HS6ST3: variants seen among roughly 807,000 people sequenced by gnomAD.
The protein encoded by HS6ST3 is heparan sulfate 6-O-sulfotransferase 3, also known as heparan-sulfate 6-O-sulfotransferase 3.
A neutral mutation model predicts 36.7 loss-of-function variants in HS6ST3; 12 were observed. That is an observed-to-expected ratio of 0.33 (90% CI 0.21 to 0.53). HS6ST3 has a LOEUF of 0.53. HS6ST3 is among the 20% of genes least tolerant of loss of function. The probability of loss-of-function intolerance (pLI) is 0.95; values close to 1 mark genes in which losing one functional copy is unlikely to be tolerated. For missense variants in HS6ST3, 584 were observed against 640.9 expected (o/e 0.91, Z 0.96); for synonymous variants, 240 against 257.5 (o/e 0.93, Z 0.65).
chr13:96,459,400 T>A (rs2055771424), intron 1 of HS6ST3, among the ~76,000 whole-genome samples: 1 of 151,968 alleles, frequency 6.6e-6, no homozygotes, highest in African/African-American at 2.4e-5. Context: ...TCTCATGAGA[T>A]CATCTTGGTT....
At chr13:96,260,622 T>C (rs1215402622) in intron 1 of HS6ST3, among the ~76,000 whole-genome samples, 2 of 150,468 alleles carry the variant, frequency 1.3e-5, no homozygotes, top group Non-Finnish European at 3.0e-5. Context: ...CCGGCCCTCT[T>C]TTCTTTTCTT....
At chr13:96,586,125 C>G (rs1243686096) in intron 1 of HS6ST3, among the ~76,000 whole-genome samples, 1 of 151,900 alleles carries the variant, frequency 6.6e-6, no homozygotes, top group Non-Finnish European at 1.5e-5. Context: ...CTTGTTAGGA[C>G]TTTTGCTAGT....
intron 1 of HS6ST3, among the ~76,000 whole-genome samples, chr13:96,313,804 A>T (rs1275516587): frequency 6.6e-6 from 1 of 152,180 alleles, no homozygotes. Context: ...AAGTTAGTAT[A>T]TTCTTGTTCT....
chr13:96,205,427 A>G (rs1483666954), intron 1 of HS6ST3, among the ~76,000 whole-genome samples: 1 of 152,188 alleles, frequency 6.6e-6, no homozygotes, highest in Non-Finnish European at 1.5e-5. Flanking sequence ...ATTTCTACTG[A>G]AACTATTCCA....
At chr13:96,714,160 A>C (rs1307810501) in intron 1 of HS6ST3, among the ~76,000 whole-genome samples, 1 of 152,182 alleles carries the variant, frequency 6.6e-6, no homozygotes, top group East Asian at 1.9e-4. Context: ...CCAAACCTTA[A>C]AAGAAAACAT....
intron 1 of HS6ST3, among the ~76,000 whole-genome samples, chr13:96,155,640 C>G (rs569946638): frequency 6.6e-6 from 1 of 151,952 alleles, no homozygotes; most frequent in Non-Finnish European, 1.5e-5. Context: ...TAATGAAAAC[C>G]TGATGATAGA....
At chr13:96,275,185 A>C (rs1337761241) in intron 1 of HS6ST3, among the ~76,000 whole-genome samples, 1 of 152,216 alleles carries the variant, frequency 6.6e-6, no homozygotes, top group African/African-American at 2.4e-5. Flanking sequence ...CAGGGTCAAC[A>C]TGACGATGGG....
At chr13:96,797,815 C>T (rs1269306709) in intron 1 of HS6ST3, among the ~76,000 whole-genome samples, 1 of 152,050 alleles carries the variant, frequency 6.6e-6, no homozygotes, top group Non-Finnish European at 1.5e-5. Context: ...AGAAAGCCAT[C>T]AATTCTGCAG....
At chr13:96,475,639 A>G (rs2055860665) in intron 1 of HS6ST3, among the ~76,000 whole-genome samples, 1 of 151,968 alleles carries the variant, frequency 6.6e-6, no homozygotes. Flanking sequence ...AAGAAAAGAA[A>G]GAAAATTGTC....
intron 1 of HS6ST3, among the ~76,000 whole-genome samples, chr13:96,809,342 A>C (rs1261584562): frequency 6.6e-6 from 1 of 152,266 alleles, no homozygotes; most frequent in East Asian, 1.9e-4. Context: ...AAGTTTGGTG[A>C]AAAGAACATT....
chr13:96,218,483 G>C (rs1251256792), intron 1 of HS6ST3, among the ~76,000 whole-genome samples: 3 of 152,190 alleles, frequency 2.0e-5, no homozygotes, highest in Admixed American at 2.0e-4. Flanking sequence ...GCGCTAATCT[G>C]TCTGTTTCCA....
chr13:96,451,931 C>A (rs533654549), intron 1 of HS6ST3, among the ~76,000 whole-genome samples: 6 of 152,128 alleles, frequency 3.9e-5, no homozygotes, highest in Non-Finnish European at 8.8e-5. Flanking sequence ...TTATGTGTAG[C>A]AGCCTCATTG....
chr13:96,319,226 A>G (rs1317270425), intron 1 of HS6ST3, among the ~76,000 whole-genome samples: 1 of 152,224 alleles, frequency 6.6e-6, no homozygotes, highest in Non-Finnish European at 1.5e-5. Context: ...GTGGTCTTCT[A>G]TAAATTGCTT....
At chr13:96,187,685 G>A (rs2054270796) in intron 1 of HS6ST3, among the ~76,000 whole-genome samples, 1 of 152,150 alleles carries the variant, frequency 6.6e-6, no homozygotes, top group Non-Finnish European at 1.5e-5. Flanking sequence ...ATTTATGGCA[G>A]ATCCTAAACA....
At position 96,317,326 on chromosome 13, in the gene HS6ST3, TTATATATATATATATATATATA is replaced by T. The variant is rs537839404; in HGVS notation, c.707+225778_707+225799del. Among the ~76,000 whole-genome samples, 6 of 96,970 alleles carry T rather than the reference TTATATATATATATATATATATA, an allele frequency of 6.2e-5. 1 individual carries two copies. Among genetic ancestry groups the T allele is most frequent in the South Asian group, 6.8e-4 (2 of 2,920 alleles). The allele number at this position is 96,970 out of a possible 152,430, so 63.6% of individuals were successfully genotyped here. On this transcript the variant is annotated intron_variant, in intron 1 of 1. Transcript: ENST00000376705. ...CTTTTTATGGCTGTGTAGTATTCCATTATATATATATATATATATATATATATATATATATATATATAAAATT... is the reference window on the plus strand; with the variant it reads ...CTTTTTATGGCTGTGTAGTATTCCATTATATATATATATATATATAAAATT...
intron 1 of HS6ST3, among the ~76,000 whole-genome samples, chr13:96,299,817 A>G (rs2054872702): frequency 6.6e-6 from 1 of 152,094 alleles, no homozygotes; most frequent in Non-Finnish European, 1.5e-5. Flanking sequence ...ATTCCAAATT[A>G]TGATATGAAC....
chr13:96,095,046 A>G (rs1432978765), intron 1 of HS6ST3, among the ~76,000 whole-genome samples: 2 of 152,214 alleles, frequency 1.3e-5, no homozygotes, highest in Non-Finnish European at 2.9e-5. Context: ...AGGATTGAAG[A>G]GAGAATCTAG....
intron 1 of HS6ST3, among the ~76,000 whole-genome samples, chr13:96,341,341 T>C (rs1447997148): frequency 6.6e-6 from 1 of 151,666 alleles, no homozygotes; most frequent in Non-Finnish European, 1.5e-5. Context: ...TTTCTTCACA[T>C]TGAGCAACCT....
intron 1 of HS6ST3, among the ~76,000 whole-genome samples, chr13:96,234,140 T>C (rs1247124864): frequency 6.7e-6 from 1 of 150,094 alleles, no homozygotes; most frequent in Admixed American, 6.6e-5. Flanking sequence ...CCAGGCATGG[T>C]GGCTCACGCC....
Sources: allele counts gnomAD v4.1 joint callset (sites outside exome capture counted in the v4.1 genomes callset), GRCh38; gene constraint gnomAD v4.1.1; transcripts MANE v1.5; gene names NCBI Gene and HGNC (gene_info 2026-07-23, HGNC 2026-07-21).